Variants in RABGAP1L observed in about 807,000 individuals in gnomAD.
RABGAP1L encodes the protein rab GTPase-activating protein 1-like.
Under a neutral mutation model 137.7 loss-of-function variants are expected in RABGAP1L, and 63 were observed. The observed-to-expected ratio is 0.46, with a 90% CI of 0.37 to 0.56. The LOEUF (loss-of-function observed/expected upper bound fraction) is 0.56, where lower values mean the gene tolerates loss of function less well. RABGAP1L is among the 20% of genes least tolerant of loss of function. RABGAP1L has a pLI of 0.00. For synonymous variants in RABGAP1L, 431 were observed against 433.7 expected, an observed-to-expected ratio of 0.99 and a Z score of 0.08; for missense variants, 1,095 against 1,244.0, an observed-to-expected ratio of 0.88 and a Z score of 1.80.
chr1:174,325,619 T>G (rs1163236640), intron 11 of RABGAP1L, among the ~76,000 whole-genome samples: 3 of 152,146 alleles, frequency 2.0e-5, no homozygotes, highest in South Asian at 4.1e-4. Flanking sequence ...GGTTTCTATA[T>G]TGGAAAAAAT....
intron 13 of RABGAP1L, among the ~76,000 whole-genome samples, chr1:174,458,352 G>A (rs911057089): frequency 8.6e-5 from 13 of 151,180 alleles, no homozygotes; most frequent in East Asian, 1.9e-4. Context: ...ATTTTTTTCT[G>A]TACAGAAAAA....
intron 19 of RABGAP1L, among the ~76,000 whole-genome samples, chr1:174,896,221 G>C (rs953912184): frequency 6.6e-6 from 1 of 152,166 alleles, no homozygotes; most frequent in Non-Finnish European, 1.5e-5. Flanking sequence ...TCATGTGTCT[G>C]TTGGCTGCAT....
intron 18 of RABGAP1L, chr1:174,799,837 C>T (rs1303393998): frequency 3.0e-6 from 3 of 988,878 alleles, no homozygotes; most frequent in Non-Finnish European, 3.6e-6. Context: ...ATGAGCTCAT[C>T]GTTTTCTCCT....
intron 4 of RABGAP1L, among the ~76,000 whole-genome samples, chr1:174,233,718 A>G (rs1160753030): frequency 6.0e-5 from 8 of 133,452 alleles, no homozygotes; most frequent in East Asian, 2.0e-4. Flanking sequence ...TAATGCTGCA[A>G]TAAACATACG....
At chr1:174,577,203 GAA>G (rs1315229420) in intron 13 of RABGAP1L, among the ~76,000 whole-genome samples, 1 of 132,426 alleles carries the variant, frequency 7.6e-6, no homozygotes, top group Admixed American at 8.1e-5. Context: ...CTGTTAGGGG[GAA>G]AAAATACACA....
intron 11 of RABGAP1L, among the ~76,000 whole-genome samples, chr1:174,368,691 C>G (rs529019821): frequency 1.3e-5 from 2 of 152,070 alleles, no homozygotes; most frequent in South Asian, 4.1e-4. Flanking sequence ...TGAAAATAGC[C>G]ATTTGTCAAA....
At chr1:174,418,599 C>T (rs977505673) in intron 13 of RABGAP1L, among the ~76,000 whole-genome samples, 5 of 152,286 alleles carry the variant, frequency 3.3e-5, no homozygotes, top group Middle Eastern at 6.8e-3. Flanking sequence ...CTTAATGGTT[C>T]TTTAAGGATT....
chr1:174,548,002 T>C (rs769090715), intron 13 of RABGAP1L: 4 of 1,550,472 alleles, frequency 2.6e-6, no homozygotes, highest in African/African-American at 2.7e-5. Context: ...TGAGCCTGAA[T>C]TGTACAAATA....
chr1:174,300,477 C>T lies in RABGAP1L; in HGVS notation c.1324-4509C>T, dbSNP rs556061308. The stretch of plus-strand genomic sequence containing the variant: ...TGGTGGGGTGGAGGTTGCAGTGAGC[C>T]GAGAATGTGCCATTGCACTCCACCC... On this transcript the variant is annotated intron_variant, in intron 10 of 25. Coordinates refer to ENST00000681986, the MANE Select transcript of RABGAP1L (RefSeq NM_001366446.1). Among the ~76,000 whole-genome samples, 7 of 135,902 alleles carry T rather than the reference C, an allele frequency of 5.2e-5. No individual in the cohort carries two copies. In the South Asian group the frequency reaches 9.0e-4, roughly 17 times the overall value. 89.2% of individuals were successfully genotyped at this position (135,902 alleles called of 152,430 possible). A position where few individuals can be genotyped will look rare whatever the true frequency, so the allele number is the denominator to read the frequency against.
intron 13 of RABGAP1L, among the ~76,000 whole-genome samples, chr1:174,557,552 T>C (rs1397137412): frequency 6.6e-6 from 1 of 152,192 alleles, no homozygotes; most frequent in Non-Finnish European, 1.5e-5. Context: ...ATTGAATATT[T>C]CCACTTAGAT....
intron 13 of RABGAP1L, among the ~76,000 whole-genome samples, chr1:174,463,721 C>G (rs1656977531): frequency 6.6e-6 from 1 of 151,732 alleles, no homozygotes; most frequent in South Asian, 2.1e-4. Context: ...AAAAATAACT[C>G]AACATCACTT....
chr1:174,292,217 G>C (rs1248909720), intron 10 of RABGAP1L, among the ~76,000 whole-genome samples: 3 of 150,252 alleles, frequency 2.0e-5, no homozygotes, highest in African/African-American at 7.3e-5. Flanking sequence ...TTTTTGTATG[G>C]ATGGGGTGTT....
intron 13 of RABGAP1L, among the ~76,000 whole-genome samples, chr1:174,435,928 A>T (rs1305917758): frequency 6.6e-6 from 1 of 151,934 alleles, no homozygotes; most frequent in Non-Finnish European, 1.5e-5. Flanking sequence ...TCCTTGCTAC[A>T]GTTTTCTGAG....
At chr1:174,488,954 C>T (rs1015975140) in intron 13 of RABGAP1L, among the ~76,000 whole-genome samples, 4 of 122,830 alleles carry the variant, frequency 3.3e-5, no homozygotes, top group Admixed American at 3.2e-4. Flanking sequence ...TGTGATGTTC[C>T]CCACCCTGTG....
intron 14 of RABGAP1L, among the ~76,000 whole-genome samples, chr1:174,652,837 C>G (rs533849840): frequency 1.4e-4 from 21 of 152,332 alleles, no homozygotes; most frequent in African/African-American, 4.8e-4. Flanking sequence ...GATGAGAGAT[C>G]TGCTGCTCTC....
At chr1:174,350,669 C>G (rs1571350580) in intron 11 of RABGAP1L, among the ~76,000 whole-genome samples, 1 of 40,340 alleles carries the variant, frequency 2.5e-5, no homozygotes, top group African/African-American at 9.6e-5. Context: ...CAGAGACACT[C>G]CTCACTTCCC....
intron 13 of RABGAP1L, chr1:174,548,023 C>T (rs1666162448): frequency 6.4e-7 from 1 of 1,550,574 alleles, no homozygotes; most frequent in Non-Finnish European, 8.7e-7. Context: ...TGTCCTAAAA[C>T]ACCAACTTAT....
intron 13 of RABGAP1L, among the ~76,000 whole-genome samples, chr1:174,429,879 A>G (rs569288543): frequency 6.6e-6 from 1 of 152,168 alleles, no homozygotes; most frequent in African/African-American, 2.4e-5. Flanking sequence ...TTTCCAGCCA[A>G]GTTAGTCTAT....
chr1:174,727,194 C>T (rs2148610211), intron 17 of RABGAP1L, among the ~76,000 whole-genome samples: 1 of 152,290 alleles, frequency 6.6e-6, no homozygotes, highest in African/African-American at 2.4e-5. Flanking sequence ...ACAATCCTTT[C>T]CTTTCGCTAA....
Sources: allele counts gnomAD v4.1 joint callset (sites outside exome capture counted in the v4.1 genomes callset), GRCh38; gene constraint gnomAD v4.1.1; transcripts MANE v1.5; gene names NCBI Gene and HGNC (gene_info 2026-07-23, HGNC 2026-07-21).